The following TMEM132D variants were observed in gnomAD, a reference collection of about 807,000 sequenced individuals.
TMEM132D encodes transmembrane protein 132D.
In TMEM132D, 21 loss-of-function variants were observed where a neutral mutation model predicts 62.3. The observed-to-expected ratio is 0.34, with a 90% CI of 0.24 to 0.49. The LOEUF (loss-of-function observed/expected upper bound fraction) is 0.49. Ranked by LOEUF, TMEM132D falls within the 20% of genes least tolerant of loss-of-function variation. The pLI, the probability that TMEM132D is intolerant of heterozygous loss-of-function variation, is 0.99. For missense variants in TMEM132D, 1,346 were observed against 1,402.8 expected (o/e 0.96, Z 0.65); for synonymous variants, 621 against 575.6 (o/e 1.08, Z -1.13).
intron 1 of TMEM132D, among the ~76,000 whole-genome samples, chr12:129,833,924 C>T (rs1872921450): frequency 6.6e-6 from 1 of 152,094 alleles, no homozygotes; most frequent in South Asian, 2.1e-4. Flanking sequence ...AAGCATGTCG[C>T]ATATGAGCAG....
intron 7 of TMEM132D, among the ~76,000 whole-genome samples, chr12:129,080,285 T>G (rs2135613612): frequency 6.6e-6 from 1 of 152,344 alleles, no homozygotes; most frequent in East Asian, 1.9e-4. Flanking sequence ...TGGCAGCTTT[T>G]GGCTCTGAGT....
At chr12:129,584,930 T>C (rs755739900) in intron 2 of TMEM132D, among the ~76,000 whole-genome samples, 3 of 152,188 alleles carry the variant, frequency 2.0e-5, no homozygotes, top group African/African-American at 7.2e-5. Context: ...CATGGGGTGT[T>C]GCATGTGGAG....
chr12:129,183,891 C>T (rs993215322), intron 5 of TMEM132D, among the ~76,000 whole-genome samples: 2 of 152,150 alleles, frequency 1.3e-5, no homozygotes, highest in Admixed American at 6.5e-5. Context: ...TGGGTGGTGG[C>T]TGTCCCCATG....
At chr12:129,875,049 A>G (rs927583260) in intron 1 of TMEM132D, among the ~76,000 whole-genome samples, 1 of 152,278 alleles carries the variant, frequency 6.6e-6, no homozygotes, top group African/African-American at 2.4e-5. Flanking sequence ...AAGCATGTGT[A>G]ATTTCAATAA....
intron 4 of TMEM132D, among the ~76,000 whole-genome samples, chr12:129,259,988 C>A (rs1002594184): frequency 1.3e-5 from 2 of 152,130 alleles, no homozygotes; most frequent in African/African-American, 2.4e-5. Context: ...TGTGTTAGAC[C>A]ATTAGACATC....
At chr12:129,230,244 G>T (rs574577718) in intron 4 of TMEM132D, among the ~76,000 whole-genome samples, 12 of 149,864 alleles carry the variant, frequency 8.0e-5, no homozygotes, top group Admixed American at 6.6e-5. Flanking sequence ...CCCTTCCTCA[G>T]CTCCTTCTGT....
intron 3 of TMEM132D, among the ~76,000 whole-genome samples, chr12:129,454,439 C>T (rs987121129): frequency 2.0e-5 from 3 of 152,132 alleles, no homozygotes; most frequent in African/African-American, 7.2e-5. Context: ...CTTGTGAGAA[C>T]ATCCCATAAG....
At chr12:129,162,870 G>T (rs1877439497) in intron 5 of TMEM132D, among the ~76,000 whole-genome samples, 1 of 152,188 alleles carries the variant, frequency 6.6e-6, no homozygotes, top group Non-Finnish European at 1.5e-5. Context: ...TTTATAGCAA[G>T]GAAAGAATGT....
intron 3 of TMEM132D, among the ~76,000 whole-genome samples, chr12:129,421,484 G>A (rs750534010): frequency 3.9e-5 from 6 of 152,196 alleles, no homozygotes; most frequent in Non-Finnish European, 5.9e-5. Flanking sequence ...GACATTGCTT[G>A]GGTGGAGACC....
At chr12:129,270,224 TAA>T (rs1353716361) in intron 4 of TMEM132D, among the ~76,000 whole-genome samples, 1 of 152,118 alleles carries the variant, frequency 6.6e-6, no homozygotes, top group Non-Finnish European at 1.5e-5. Flanking sequence ...GCCGAAAAGG[TAA>T]GTGTTGTCAA....
At chr12:129,136,530 A>C (rs1166391181) in intron 5 of TMEM132D, among the ~76,000 whole-genome samples, 2 of 152,238 alleles carry the variant, frequency 1.3e-5, no homozygotes, top group African/African-American at 4.8e-5. Flanking sequence ...TTTTCAGTAC[A>C]TCATATCAGA....
At chr12:129,637,692 C>T (rs1199036712) in intron 2 of TMEM132D, among the ~76,000 whole-genome samples, 1 of 152,140 alleles carries the variant, frequency 6.6e-6, no homozygotes, top group African/African-American at 2.4e-5. Flanking sequence ...CATGGTTCTG[C>T]AGTCAGTACA....
chr12:129,543,483 A>T lies in TMEM132D; in HGVS notation c.969-12278T>A, dbSNP rs533368536. On this transcript the variant is annotated intron_variant, in intron 2 of 8. Coordinates refer to ENST00000422113, the MANE Select transcript of TMEM132D (RefSeq NM_133448.3). ...AAACTTACTGTAAGTTGAAAATATC[A>T]TAATTGAAAATGCATTCTACACTCT... is the stretch of plus-strand genomic sequence containing the variant. Among the ~76,000 whole-genome samples, 9 of 152,344 alleles carry T rather than the reference A, an allele frequency of 5.9e-5. No homozygotes were observed. The East Asian group carries it at 1.7e-3, about 29-fold the overall frequency.
rs553931482 is a variant in TMEM132D, at chr12:129,526,316, G to A, written c.1115+4743C>T. Among the ~76,000 whole-genome samples, 366 of 152,070 alleles carry A rather than the reference G, an allele frequency of 2.4e-3. 2 individuals are homozygous for A. The highest frequency in any genetic ancestry group is 8.4e-3 in the African/African-American group (350 of 41,462). ...TTTTTTCCTCGAGACAAAGTCTTTGGCTCTGTCTCCCAGGCTGGAGTGCAA... is the reference window on the plus strand; with the variant it reads ...TTTTTTCCTCGAGACAAAGTCTTTGACTCTGTCTCCCAGGCTGGAGTGCAA... On this transcript the variant is annotated intron_variant, in intron 3 of 8. Coordinates refer to ENST00000422113, the MANE Select transcript of TMEM132D (RefSeq NM_133448.3).
chr12:129,136,290 G>A (rs1876554472), intron 5 of TMEM132D, among the ~76,000 whole-genome samples: 1 of 152,114 alleles, frequency 6.6e-6, no homozygotes, highest in Admixed American at 6.5e-5. Flanking sequence ...CACTCATTCC[G>A]TTACTGTTCC....
At chr12:129,420,304 CTGTTTTTTTTTT>C (rs1566063048) in intron 3 of TMEM132D, among the ~76,000 whole-genome samples, 1 of 69,890 alleles carries the variant, frequency 1.4e-5, no homozygotes, top group African/African-American at 6.6e-5. Flanking sequence ...TGCACGTTCT[CTGTTTTTTTTTT>C]TTTTTTTTTT....
At chr12:129,581,185 G>A (rs1877849217) in intron 2 of TMEM132D, among the ~76,000 whole-genome samples, 1 of 152,116 alleles carries the variant, frequency 6.6e-6, no homozygotes, top group Non-Finnish European at 1.5e-5. Context: ...TCTTGCCCAC[G>A]TGATCTCTGC....
At chr12:129,803,150 G>T (rs1192901415) in intron 1 of TMEM132D, among the ~76,000 whole-genome samples, 1 of 151,526 alleles carries the variant, frequency 6.6e-6, no homozygotes, top group Non-Finnish European at 1.5e-5. Flanking sequence ...AGTCAACAAG[G>T]ATACCCAGGA....
intron 5 of TMEM132D, among the ~76,000 whole-genome samples, chr12:129,170,547 C>T (rs1468960722): frequency 6.6e-6 from 1 of 152,044 alleles, no homozygotes; most frequent in Non-Finnish European, 1.5e-5. Context: ...TATTGAGGGC[C>T]AGGCATGATG....
Sources: allele counts gnomAD v4.1 joint callset (sites outside exome capture counted in the v4.1 genomes callset), GRCh38; gene constraint gnomAD v4.1.1; transcripts MANE v1.5; gene names NCBI Gene and HGNC (gene_info 2026-07-23, HGNC 2026-07-21).